Variants in CATSPERT observed in about 807,000 individuals in gnomAD.
The protein encoded by CATSPERT is catsper channel auxiliary subunit tau, also known as cation channel sperm-associated targeting subunit tau.
chr2:201,494,694 T>A, the CATSPERT span: 6 of 1,534,110 alleles, frequency 3.9e-6, no homozygotes, highest in Admixed American at 1.2e-4. Context: ...CTTTTCTTTT[T>A]CTGACTGACA....
At chr2:201,517,820 G>A in the CATSPERT span, among the ~76,000 whole-genome samples, 10 of 152,288 alleles carry the variant, frequency 6.6e-5, no homozygotes, top group South Asian at 1.9e-3. Context: ...CTCAAGATGG[G>A]AAAAAGTCAA....
the CATSPERT span, chr2:201,565,999 G>A: frequency 2.3e-5 from 18 of 775,002 alleles, no homozygotes; most frequent in Admixed American, 3.6e-5. Context: ...TTGGGCCATC[G>A]AAGGCTAGAG....
chr2:201,491,065 G>A, the CATSPERT span: 1 of 978,384 alleles, frequency 1.0e-6, no homozygotes, highest in African/African-American at 1.6e-5. Context: ...TGTCTTGGGG[G>A]TAATTAAGGT....
the CATSPERT span, among the ~76,000 whole-genome samples, chr2:201,570,135 A>C: frequency 3.5e-3 from 536 of 152,234 alleles, 17 homozygotes; most frequent in East Asian, 0.085. Flanking sequence ...GTGAGCCATG[A>C]TCTGTTGCCT....
At chr2:201,613,569 C>T in the CATSPERT span, among the ~76,000 whole-genome samples, 2 of 152,060 alleles carry the variant, frequency 1.3e-5, no homozygotes, top group Non-Finnish European at 2.9e-5. Context: ...TCATCAAAGA[C>T]CAAAGGTAGA....
the CATSPERT span, among the ~76,000 whole-genome samples, chr2:201,488,419 AGTGT>A: frequency 1.3e-5 from 2 of 152,236 alleles, no homozygotes; most frequent in Admixed American, 6.5e-5. Context: ...AGAGGGAGAG[AGTGT>A]GTGCCACACC....
the CATSPERT span, chr2:201,601,718 T>C: frequency 2.5e-6 from 4 of 1,598,544 alleles, no homozygotes; most frequent in Non-Finnish European, 3.4e-6. Flanking sequence ...TTCTAATATC[T>C]AGAAGAGATA....
the CATSPERT span, among the ~76,000 whole-genome samples, chr2:201,611,659 AAACT>A: frequency 6.6e-6 from 1 of 151,368 alleles, no homozygotes; most frequent in Non-Finnish European, 1.5e-5. Flanking sequence ...AACATTAATG[AAACT>A]AAGGATTGCA....
At chr2:201,607,948 T>A in the CATSPERT span, among the ~76,000 whole-genome samples, 1 of 152,138 alleles carries the variant, frequency 6.6e-6, no homozygotes, top group African/African-American at 2.4e-5. Flanking sequence ...CCCAAAACTG[T>A]GAGAAAATAA....
the CATSPERT span, among the ~76,000 whole-genome samples, chr2:201,501,056 C>T: frequency 4.6e-5 from 7 of 151,834 alleles, no homozygotes; most frequent in African/African-American, 1.7e-4. Flanking sequence ...ACAGAAAAAT[C>T]GATGCTAAGG....
chr2:201,604,760 A>G, the CATSPERT span: 3 of 1,153,496 alleles, frequency 2.6e-6, no homozygotes, highest in South Asian at 3.0e-5. Context: ...TGAAACATCA[A>G]TTCAATAATT....
the CATSPERT span, chr2:201,545,565 C>G: frequency 1.4e-6 from 2 of 1,479,256 alleles, no homozygotes; most frequent in African/African-American, 3.0e-5. Flanking sequence ...TATTTTCAAG[C>G]TCCTCTTCAG....
the CATSPERT span, among the ~76,000 whole-genome samples, chr2:201,532,149 A>G: frequency 6.6e-6 from 1 of 152,238 alleles, no homozygotes; most frequent in Non-Finnish European, 1.5e-5. Flanking sequence ...AGAAACCACG[A>G]TATCAAGGCT....
chr2:201,533,187 G>C, the CATSPERT span, among the ~76,000 whole-genome samples: 3 of 152,124 alleles, frequency 2.0e-5, no homozygotes, highest in Non-Finnish European at 2.9e-5. Flanking sequence ...GAGAATAATA[G>C]CATCTTAGAC....
At chr2:201,534,122 G>A in the CATSPERT span, among the ~76,000 whole-genome samples, 834 of 151,962 alleles carry the variant, frequency 5.5e-3, 7 homozygotes, top group African/African-American at 0.019. Context: ...GAGACAGAAA[G>A]AAGGAAACAG....
the CATSPERT span, among the ~76,000 whole-genome samples, chr2:201,510,753 T>C: frequency 1.3e-5 from 2 of 152,104 alleles, no homozygotes; most frequent in Non-Finnish European, 2.9e-5. Context: ...AAAAACCATA[T>C]GCTATAAAAG....
At chr2:201,490,441 C>T in the CATSPERT span, among the ~76,000 whole-genome samples, 2 of 152,152 alleles carry the variant, frequency 1.3e-5, no homozygotes, top group Non-Finnish European at 2.9e-5. Context: ...TATGTTTCCA[C>T]AGTATCTGGC....
chr2:201,504,162 T>G, the CATSPERT span, among the ~76,000 whole-genome samples: 5 of 152,212 alleles, frequency 3.3e-5, no homozygotes, highest in Admixed American at 3.3e-4. Flanking sequence ...TTTTCTCTTC[T>G]GGTACCCTAC....
At chr2:201,488,418 G>A in the CATSPERT span, among the ~76,000 whole-genome samples, 1 of 152,094 alleles carries the variant, frequency 6.6e-6, no homozygotes, top group Admixed American at 6.5e-5. Flanking sequence ...CAGAGGGAGA[G>A]AGTGTGTGCC....
Sources: gnomAD v4.1 joint callset for allele counts (sites outside exome capture counted in the v4.1 genomes callset) on GRCh38, gnomAD v4.1.1 for gene constraint, MANE v1.5 for transcripts, NCBI Gene and HGNC (gene_info 2026-07-23, HGNC 2026-07-21) for gene names.